The following ADAM22 variants were observed in gnomAD, a reference collection of about 807,000 sequenced individuals.
The protein encoded by ADAM22 is disintegrin and metalloproteinase domain-containing protein 22.
In ADAM22, 65 loss-of-function variants were observed where a neutral mutation model predicts 144.6. The ratio of observed to expected loss-of-function variants is 0.45; its 90% CI spans 0.37 to 0.55. The LOEUF is 0.55. ADAM22 is among the 20% of genes least tolerant of loss of function. ADAM22 has a pLI of 0.00. For synonymous variants in ADAM22, 391 were observed against 412.6 expected, an observed-to-expected ratio of 0.95 and a Z score of 0.63; for missense variants, 974 against 1,184.9, an observed-to-expected ratio of 0.82 and a Z score of 2.61.
intron 3 of ADAM22, among the ~76,000 whole-genome samples, chr7:87,990,997 T>A (rs1264308722): frequency 6.6e-6 from 1 of 152,156 alleles, no homozygotes; most frequent in Non-Finnish European, 1.5e-5. Flanking sequence ...GAATGTAGAA[T>A]GGACTTGTGG....
chr7:88,064,656 C>T (rs911491409), intron 3 of ADAM22, among the ~76,000 whole-genome samples: 19 of 152,068 alleles, frequency 1.2e-4, no homozygotes, highest in Admixed American at 7.9e-4. Flanking sequence ...TTTGTTTTCA[C>T]GTGGCAGACA....
chr7:88,108,735 AAT>A (rs1204658293), intron 5 of ADAM22, among the ~76,000 whole-genome samples: 12 of 99,100 alleles, frequency 1.2e-4, no homozygotes, highest in African/African-American at 5.6e-4. Flanking sequence ...ATTCAAAAAA[AAT>A]AAAGAAAGAA....
chr7:88,131,260 A>T lies in ADAM22; in HGVS notation c.826-9A>T. The T allele has an allele frequency of 1.9e-6, 3 of 1,608,830 alleles. No homozygotes were observed. The highest frequency in any genetic ancestry group is 2.6e-6 in the Non-Finnish European group (3 of 1,176,432). ...TACAGCTGATGTGTTCATTTTATTA[A>T]TATACTAGATATATAAAGACCAACT... On this transcript the variant is annotated splice_polypyrimidine_tract_variant and intron_variant, in intron 10 of 31. Transcript: ENST00000413139.
chr7:87,963,796 T>C (rs995724403), intron 2 of ADAM22, among the ~76,000 whole-genome samples: 5 of 152,144 alleles, frequency 3.3e-5, no homozygotes, highest in Non-Finnish European at 5.9e-5. Context: ...TCCTTGTAAT[T>C]TTATTCATCT....
intron 3 of ADAM22, among the ~76,000 whole-genome samples, chr7:88,004,907 G>C (rs555534447): frequency 6.6e-6 from 1 of 152,010 alleles, no homozygotes; most frequent in Admixed American, 6.6e-5. Context: ...TGATGGAGAG[G>C]GTCTTGATTT....
chr7:88,181,880 C>A lies in ADAM22; in HGVS notation c.2597-78C>A, dbSNP rs1847120274. 3.2e-6 allele frequency: 4 copies of A among 1,269,762 alleles called. No homozygotes were observed. The South Asian group carries it at 5.1e-5, about 16-fold the overall frequency. 78.7% of individuals were successfully genotyped at this position (1,269,762 alleles called of 1,614,324 possible). On this transcript the variant is annotated intron_variant, in intron 28 of 31. Coordinates refer to ENST00000413139, the MANE Select transcript of ADAM22 (RefSeq NM_001324418.2). Reference sequence around the variant, plus strand: ...AGTGGTGCTGCTTATCAATTATACCCACTTGAAATGCCTCGTAATTAGACA... The same window carrying A: ...AGTGGTGCTGCTTATCAATTATACCAACTTGAAATGCCTCGTAATTAGACA...
At chr7:88,011,414 C>A (rs1034450272) in intron 3 of ADAM22, among the ~76,000 whole-genome samples, 20 of 152,166 alleles carry the variant, frequency 1.3e-4, no homozygotes, top group African/African-American at 4.8e-4. Context: ...GTGGCAGGCA[C>A]CTGTAGTCCC....
rs181466973 is a variant in ADAM22 at position 88,165,549 on chromosome 7, G to A, written c.2077-283G>A. 2.2e-3 allele frequency among the ~76,000 whole-genome samples: 340 copies of A among 152,042 alleles called. 2 individuals carry two copies. The highest frequency in any genetic ancestry group is 0.02 in the Middle Eastern group (6 of 294). On this transcript the variant is annotated intron_variant, in intron 23 of 31. Transcript: ENST00000413139. The stretch of plus-strand genomic sequence containing the variant: ...TTTAAATCTTCCTTATAAAATTTAA[G>A]TTAGTGAAAGTCAAAACAATAATTT...
At chr7:88,126,939 T>C (rs892827112) in intron 8 of ADAM22, among the ~76,000 whole-genome samples, 1 of 151,932 alleles carries the variant, frequency 6.6e-6, no homozygotes, top group East Asian at 1.9e-4. Context: ...AGAGCTGGGA[T>C]TCTGACCTAG....
At chr7:88,134,626 A>C (rs1314136390) in intron 13 of ADAM22, among the ~76,000 whole-genome samples, 4 of 152,212 alleles carry the variant, frequency 2.6e-5, no homozygotes, top group Admixed American at 2.6e-4. Context: ...GACTATAATA[A>C]ACTTTAAAGC....
At chr7:88,052,341 CA>C (rs58959590) in intron 3 of ADAM22, among the ~76,000 whole-genome samples, 60,537 of 126,404 alleles carry the variant, frequency 0.48, 13,194 homozygotes, top group East Asian at 0.61. Flanking sequence ...ACTAAAAATG[CA>C]AAAAAAAAAA....
intron 29 of ADAM22, chr7:88,182,258 T>C: frequency 4.6e-6 from 2 of 437,264 alleles, no homozygotes; most frequent in Non-Finnish European, 8.1e-6. Flanking sequence ...ACCTGCAGGC[T>C]TTTTCCTCCA....
chr7:88,001,692 T>C (rs548401672), intron 3 of ADAM22, among the ~76,000 whole-genome samples: 2 of 152,020 alleles, frequency 1.3e-5, no homozygotes, highest in Non-Finnish European at 2.9e-5. Context: ...GCCCACTGTG[T>C]GCTGCCACTT....
At chr7:88,193,914 G>A (rs995333120) in intron 31 of ADAM22, among the ~76,000 whole-genome samples, 2 of 152,164 alleles carry the variant, frequency 1.3e-5, no homozygotes, top group Non-Finnish European at 2.9e-5. Flanking sequence ...CAGTAAGAAG[G>A]CACAAATAAT....
chr7:87,953,071 G>A (rs2131431562), intron 2 of ADAM22, among the ~76,000 whole-genome samples: 1 of 150,166 alleles, frequency 6.7e-6, no homozygotes, highest in Middle Eastern at 3.5e-3. Flanking sequence ...CAATTTTGTT[G>A]ATCCTTTCAA....
At chr7:88,062,757 C>A (rs1027737483) in intron 3 of ADAM22, among the ~76,000 whole-genome samples, 1 of 152,190 alleles carries the variant, frequency 6.6e-6, no homozygotes, top group South Asian at 2.1e-4. Flanking sequence ...AAGAGACATG[C>A]AACTCCTCCT....
chr7:88,072,616 A>G (rs1191172144), intron 3 of ADAM22, among the ~76,000 whole-genome samples: 6 of 152,168 alleles, frequency 3.9e-5, no homozygotes, highest in Non-Finnish European at 8.8e-5. Flanking sequence ...TCTGGTATTC[A>G]CCACCGTACA....
intron 3 of ADAM22, among the ~76,000 whole-genome samples, chr7:87,995,693 A>G (rs1791017673): frequency 6.6e-6 from 1 of 152,156 alleles, no homozygotes; most frequent in African/African-American, 2.4e-5. Flanking sequence ...ATTTGGTTCA[A>G]ATTTGAGAAC....
chr7:88,147,926 A>T (rs1363343488), intron 17 of ADAM22, among the ~76,000 whole-genome samples: 3 of 152,162 alleles, frequency 2.0e-5, no homozygotes, highest in Non-Finnish European at 4.4e-5. Flanking sequence ...CCTGATGAGC[A>T]GGGTTCTTGT....
Sources: allele counts gnomAD v4.1 joint callset (sites outside exome capture counted in the v4.1 genomes callset), GRCh38; gene constraint gnomAD v4.1.1; transcripts MANE v1.5; gene names NCBI Gene and HGNC (gene_info 2026-07-23, HGNC 2026-07-21).